The following NBEAL1 variants were observed in gnomAD, a reference collection of about 807,000 sequenced individuals.
NBEAL1 encodes the protein neurobeachin like 1, also known as neurobeachin-like protein 1.
Under a neutral mutation model 351.3 loss-of-function variants are expected in NBEAL1, and 273 were observed. The observed-to-expected ratio is 0.78, with a 90% CI of 0.70 to 0.86. The LOEUF is 0.86. NBEAL1 is among the 40% of genes least tolerant of loss of function. The pLI, the probability that NBEAL1 is intolerant of heterozygous loss-of-function variation, is 0.00. For synonymous variants in NBEAL1, 1,050 were observed against 1,086.4 expected (o/e 0.97, Z 0.66); for missense variants, 2,961 against 3,201.3 (o/e 0.92, Z 1.81).
intron 17 of NBEAL1, among the ~76,000 whole-genome samples, chr2:203,113,788 A>G (rs2062625310): frequency 6.6e-6 from 1 of 150,382 alleles, no homozygotes; most frequent in African/African-American, 2.4e-5. Context: ...CTCTGTGTGC[A>G]TATGGACGGA....
intron 12 of NBEAL1, among the ~76,000 whole-genome samples, chr2:203,103,798 A>T (rs1302869504): frequency 6.6e-6 from 1 of 152,036 alleles, no homozygotes; most frequent in East Asian, 1.9e-4. Flanking sequence ...AGATTCTTGT[A>T]TGTTGTATCT....
chr2:203,138,102 A>T, intron 29 of NBEAL1, 60 bp from the exon 30 acceptor site: 1 of 1,532,378 alleles, frequency 6.5e-7, no homozygotes, highest in Non-Finnish European at 8.9e-7. Context: ...TTTTGTTTTT[A>T]ATGTCCTACT....
intron 2 of NBEAL1, among the ~76,000 whole-genome samples, chr2:203,038,695 A>G (rs1244298052): frequency 6.7e-6 from 1 of 148,236 alleles, no homozygotes; most frequent in African/African-American, 2.5e-5. Flanking sequence ...AAGTGCAGAG[A>G]TTTTCATCTT....
At chr2:203,171,258 C>G (rs2064310314) in intron 39 of NBEAL1, among the ~76,000 whole-genome samples, 1 of 149,442 alleles carries the variant, frequency 6.7e-6, no homozygotes, top group Admixed American at 6.7e-5. Context: ...AACTCCATCT[C>G]AAAAATAAAA....
chr2:203,127,626 G>T (rs1430766564), intron 23 of NBEAL1, among the ~76,000 whole-genome samples, 155 bp from the exon 24 acceptor site: 1 of 152,186 alleles, frequency 6.6e-6, no homozygotes, highest in Non-Finnish European at 1.5e-5. Flanking sequence ...GGAGGCTGAG[G>T]CAGGAGAATC....
rs982768151 is a variant in NBEAL1, at chr2:203,149,124, G to C, written c.5438G>C (p.Cys1813Ser). 4.4e-6 allele frequency: 7 copies of C among 1,602,474 alleles called. No individual in the cohort carries two copies. The highest frequency in any genetic ancestry group is 6.0e-6 in the Non-Finnish European group (7 of 1,173,534). ...AAAGCAATACAGCTCTATCTTACAT[G>C]TGAAAGGGGACCTTGGGCTAAAAGG... Reference protein sequence around the residue: ...RWKAIQLYLTCERGPWAKRKQ... With the variant: ...RWKAIQLYLTSERGPWAKRKQ... The change falls in exon 34 of 56, where the codon TGT (cysteine) becomes TCT (serine). Residue 1813 changes from cysteine to serine, a missense_variant. Transcript: ENST00000683969.
intron 42 of NBEAL1, among the ~76,000 whole-genome samples, chr2:203,177,024 A>C (rs867574489): frequency 7.3e-5 from 11 of 151,654 alleles, no homozygotes; most frequent in African/African-American, 2.7e-4. Context: ...GGTGGTGTGC[A>C]CCTGTAGTCC....
chr2:203,114,459 C>A (rs2062644270), intron 17 of NBEAL1, among the ~76,000 whole-genome samples: 1 of 152,034 alleles, frequency 6.6e-6, no homozygotes, highest in South Asian at 2.1e-4. Flanking sequence ...AATTAGGGAA[C>A]CTTGGATAAG....
intron 39 of NBEAL1, 26 bp downstream of exon 39, chr2:203,169,877 G>A (rs766457886): frequency 2.3e-6 from 3 of 1,285,498 alleles, no homozygotes; most frequent in Non-Finnish European, 3.3e-6. Flanking sequence ...AGTCTCTAAT[G>A]AACTGTTCTG....
intron 35 of NBEAL1, among the ~76,000 whole-genome samples, chr2:203,154,200 C>T (rs532091141): frequency 6.9e-6 from 1 of 144,198 alleles, no homozygotes; most frequent in African/African-American, 2.8e-5. Context: ...TGTGCCACTG[C>T]ACTCCAGCCT....
At chr2:203,100,202 A>G (rs2062283530) in intron 12 of NBEAL1, among the ~76,000 whole-genome samples, 1 of 152,182 alleles carries the variant, frequency 6.6e-6, no homozygotes, top group African/African-American at 2.4e-5. Flanking sequence ...TAGTGCTATG[A>G]TGAACATACA....
chr2:203,083,524 GAGTA>G lies in NBEAL1; in HGVS notation c.991+4_991+7del. The G allele has an allele frequency of 6.6e-7, 1 of 1,525,822 alleles. No individual in the cohort carries two copies. Among genetic ancestry groups the G allele is most frequent in the Non-Finnish European group, 8.8e-7 (1 of 1,133,936 alleles). 94.5% of individuals were successfully genotyped at this position (1,525,822 alleles called of 1,614,324 possible). On this transcript the variant is annotated splice_donor_variant and splice_donor_region_variant and coding_sequence_variant and intron_variant, in exon 9 of 56. Coordinates refer to ENST00000683969, the MANE Select transcript of NBEAL1 (RefSeq NM_001378026.1). LOFTEE classifies it high-confidence loss of function. ...TTATTGCTCTACAGATCAAAATGCT[GAGTA>G]AGTATTACATAATGACAACTTTTTC...
At position 203,193,833 on chromosome 2, in the gene NBEAL1, G is replaced by A. The variant is rs1290999323; in HGVS notation, c.6960G>A (p.Val2320=). The A allele has an allele frequency of 1.2e-6, 2 of 1,612,696 alleles. No individual in the cohort carries two copies. The highest frequency in any genetic ancestry group is 1.7e-6 in the Non-Finnish European group (2 of 1,179,374). The part of the protein sequence containing the change: ...HPPRLSAEEA[V]QKPTKIDTST... ...CAAGATTATCAGCAGAAGAAGCAGT[G>A]CAGAAGCCAACCAAAATAGACACTT... The change falls in exon 47 of 56, where the codon GTG becomes GTA. Residue 2320 remains valine (V), a synonymous_variant. Coordinates refer to ENST00000683969, the MANE Select transcript of NBEAL1 (RefSeq NM_001378026.1).
At chr2:203,172,661 A>G (rs1483062920) in intron 40 of NBEAL1, 68 bp from the exon 41 acceptor site, 26 of 1,379,490 alleles carry the variant, frequency 1.9e-5, no homozygotes, top group East Asian at 2.5e-5. Flanking sequence ...TAACCATTTG[A>G]TATTAGATAT....
In NBEAL1 at chr2:203,218,363, G is replaced by T. The variant is rs2065919065; in HGVS notation, c.*1009G>T. 2 of 152,026 alleles carry T rather than the reference G, an allele frequency of 1.3e-5. No individual in the cohort carries two copies. Among genetic ancestry groups the T allele is most frequent in the African/African-American group, 4.8e-5 (2 of 41,424 alleles). The allele number at this position is 152,026 out of a possible 1,614,324, so 9.4% of individuals were successfully genotyped here. A position where few individuals can be genotyped will look rare whatever the true frequency, so the allele number is the denominator to read the frequency against. On this transcript the variant is annotated 3_prime_UTR_variant, in exon 56 of 56. Transcript: ENST00000683969. ...TGTGGTTGATTATTAAGATCTTAAA[G>T]TAAAAGTCTGATTTATTTAATTTGG...
rs1574918877 is a variant in NBEAL1, at chr2:203,064,906, A to G, written c.516-3487A>G. ...TGGTATTATATAAAACTATATCCCT[A>G]TTAGTAAATATTCACTAAAATATTA... On this transcript the variant is annotated intron_variant, in intron 6 of 55. Coordinates refer to ENST00000683969, the MANE Select transcript of NBEAL1 (RefSeq NM_001378026.1). Among the ~76,000 whole-genome samples the G allele has an allele frequency of 2.6e-5, 4 of 152,352 alleles. No homozygotes were observed. The South Asian group carries it at 8.3e-4, about 32-fold the overall frequency.
At chr2:203,072,163 T>C (rs923678704) in intron 7 of NBEAL1, among the ~76,000 whole-genome samples, 18 of 152,368 alleles carry the variant, frequency 1.2e-4, no homozygotes, top group African/African-American at 4.1e-4. Context: ...GTTTTTCTTA[T>C]CACACATTCA....
At chr2:203,079,860 G>A (rs1031822588) in intron 8 of NBEAL1, among the ~76,000 whole-genome samples, 4 of 152,116 alleles carry the variant, frequency 2.6e-5, no homozygotes, top group African/African-American at 9.7e-5. Flanking sequence ...TTGAGTTCAA[G>A]AGCCTTTTTA....
intron 46 of NBEAL1, 26 bp downstream of exon 46, chr2:203,190,415 T>A (rs1037324049): frequency 6.6e-7 from 1 of 1,505,246 alleles, no homozygotes; most frequent in Admixed American, 1.8e-5. Flanking sequence ...AAGAAGTAGA[T>A]TTAAGTCAAC....
Sources: allele counts gnomAD v4.1 joint callset (sites outside exome capture counted in the v4.1 genomes callset), GRCh38; gene constraint gnomAD v4.1.1; transcripts MANE v1.5; gene names NCBI Gene and HGNC (gene_info 2026-07-23, HGNC 2026-07-21).